Variants in FCMR observed in about 807,000 individuals in gnomAD.
FCMR encodes the protein Fc mu receptor.
In FCMR, 34 loss-of-function variants were observed where a neutral mutation model predicts 41.6. The ratio of observed to expected loss-of-function variants is 0.82; its 90% CI spans 0.62 to 1.09. FCMR has a LOEUF of 1.09. FCMR is among the 50% of genes least tolerant of loss of function. The pLI is 0.00. For synonymous variants in FCMR, 209 were observed against 211.8 expected, an observed-to-expected ratio of 0.99 and a Z score of 0.12; for missense variants, 496 against 512.5, an observed-to-expected ratio of 0.97 and a Z score of 0.31.
At position 206,911,729 on chromosome 1, in the gene FCMR, C is replaced by G; in HGVS notation, c.710+1G>C. The stretch of plus-strand genomic sequence containing the variant: ...CTAGATCCTGGACAGTGGTCTCTTA[C>G]CTCTGCCTGTGCAGCCTGGTGTGGT... On this transcript the variant is annotated splice_donor_variant, in intron 4 of 7. Coordinates refer to ENST00000367091, the MANE Select transcript of FCMR (RefSeq NM_005449.5). LOFTEE classifies it high-confidence loss of function. 6.2e-7 allele frequency: 1 copy of G among 1,611,370 alleles called. No individual in the cohort carries two copies. Among genetic ancestry groups the G allele is most frequent in the Non-Finnish European group, 8.5e-7 (1 of 1,179,306 alleles).
chr1:206,914,789 C>T (rs1267633945), intron 1 of FCMR, among the ~76,000 whole-genome samples: 1 of 152,098 alleles, frequency 6.6e-6, no homozygotes, highest in Non-Finnish European at 1.5e-5. Flanking sequence ...CTATTCACAA[C>T]CTCAGGCCAG....
chr1:206,915,190 G>A (rs1679135250), intron 1 of FCMR, among the ~76,000 whole-genome samples: 1 of 152,210 alleles, frequency 6.6e-6, no homozygotes, highest in South Asian at 2.1e-4. Context: ...ATCATTTAGT[G>A]AGTGATACCA....
rs1679035762 is a variant in FCMR at position 206,913,559 on chromosome 1, T to C, written c.373+200A>G. 8.3e-6 allele frequency: 5 copies of C among 600,898 alleles called. No homozygotes were observed. The Admixed American group carries it at 8.8e-5, about 11-fold the overall frequency. The allele number at this position is 600,898 out of a possible 1,614,324, so 37.2% of individuals were successfully genotyped here. A position where few individuals can be genotyped will look rare whatever the true frequency, so the allele number is the denominator to read the frequency against. ...CAAAGAGAGCACCTATCTTGTTCTT[T>C]TCATACATGTTGGGTAGAAAATTGT... On this transcript the variant is annotated intron_variant, in intron 2 of 7. Transcript: ENST00000367091.
Position 206,914,554 on chromosome 1 carries a change from C to T in FCMR, c.38-460G>A, listed in dbSNP as rs550119596. ...TCAAGCAATCCTCCCAGCTCAGCCT[C>T]CCAAGTACCAGGGACTACAGGTGCA... On this transcript the variant is annotated intron_variant, in intron 1 of 7. Transcript: ENST00000367091. 1.9e-3 allele frequency among the ~76,000 whole-genome samples: 290 copies of T among 151,992 alleles called. 1 individual carries two copies. Among genetic ancestry groups the T allele is most frequent in the Admixed American group, 7.1e-3 (108 of 15,268 alleles).
In FCMR at chr1:206,921,798, T is replaced by C; in HGVS notation, c.37+20A>G. On this transcript the variant is annotated intron_variant, in intron 1 of 7. Transcript: ENST00000367091. ...TCAAGCCTCATTCAGAGGTCTGAAG[T>C]GTTTCCCCACGGTACTTACCTGGCA... 3.7e-6 allele frequency: 6 copies of C among 1,612,370 alleles called. No homozygotes were observed. The highest frequency in any genetic ancestry group is 5.1e-6 in the Non-Finnish European group (6 of 1,178,346).
Position 206,909,600 on chromosome 1 carries a change from C to T in FCMR, c.986-80G>A. ...CATGCTACTACTCCCAGCTCCACCCCCGCCCCACTCCCAGCTCCACCCTGT... is the reference window on the plus strand; with the variant it reads ...CATGCTACTACTCCCAGCTCCACCCTCGCCCCACTCCCAGCTCCACCCTGT... On this transcript the variant is annotated intron_variant, in intron 6 of 7. Transcript: ENST00000367091. This position sits in a 1 kb window ranked among gnomAD's most constrained non-coding sequence, Gnocchi z 5.0. 7.8e-7 allele frequency: 1 copy of T among 1,275,222 alleles called. No homozygotes were observed. 79.0% of individuals were successfully genotyped at this position (1,275,222 alleles called of 1,614,324 possible).
At chr1:206,907,108 G>GA (rs1416918385) in intron 7 of FCMR, among the ~76,000 whole-genome samples, 1 of 124,388 alleles carries the variant, frequency 8.0e-6, no homozygotes. Context: ...GGGGGTGGGG[G>GA]GGGGGTGGGG....
At chr1:206,905,221 G>C (rs1678575448) in intron 7 of FCMR, 74 bp from the exon 8 acceptor site, 1 of 1,544,894 alleles carries the variant, frequency 6.5e-7, no homozygotes. Context: ...GATTTTCATA[G>C]TGGGCAATGG....
intron 7 of FCMR, chr1:206,906,093 T>G (rs540733182): frequency 1.9e-5 from 8 of 411,060 alleles, no homozygotes; most frequent in South Asian, 1.8e-4. Context: ...GAAAGACAGC[T>G]AATAAGCACA....
rs1475724075 is a variant in FCMR at position 206,903,817 on chromosome 1, AT to A, written c.*1201del. The A allele has an allele frequency of 1.3e-5, 2 of 152,114 alleles. No individual in the cohort carries two copies. The highest frequency in any genetic ancestry group is 2.9e-5 in the Non-Finnish European group (2 of 68,028). 9.4% of individuals were successfully genotyped at this position (152,114 alleles called of 1,614,324 possible). On this transcript the variant is annotated 3_prime_UTR_variant, in exon 8 of 8. Coordinates refer to ENST00000367091, the MANE Select transcript of FCMR (RefSeq NM_005449.5). ...TGGTGACATTGCACCTGGATGTACT[AT>A]CCAATCTGTGATGACATTCCCTGCT...
Position 206,903,907 on chromosome 1 carries a change from T to A in FCMR, c.*1112A>T, listed in dbSNP as rs913514955. 1.3e-5 allele frequency: 2 copies of A among 152,378 alleles called. No individual in the cohort carries two copies. Among genetic ancestry groups the A allele is most frequent in the African/African-American group, 4.8e-5 (2 of 41,464 alleles). The allele number at this position is 152,378 out of a possible 1,614,324, so 9.4% of individuals were successfully genotyped here. On this transcript the variant is annotated 3_prime_UTR_variant, in exon 8 of 8. Transcript: ENST00000367091. Reference sequence around the variant, plus strand: ...TCTCTATTTCTGGATGAATGCCCAGTGAGACTGTGTTGTACAGCTAGAAAA... The same window carrying A: ...TCTCTATTTCTGGATGAATGCCCAGAGAGACTGTGTTGTACAGCTAGAAAA...
intron 3 of FCMR, among the ~76,000 whole-genome samples, chr1:206,912,496 T>A (rs1465490338): frequency 6.6e-6 from 1 of 152,232 alleles, no homozygotes; most frequent in Non-Finnish European, 1.5e-5. Flanking sequence ...AGTATGAACA[T>A]CCTTAATCTT....
At chr1:206,913,535 A>T (rs1257639325) in intron 2 of FCMR, 1 of 588,904 alleles carries the variant, frequency 1.7e-6, no homozygotes, top group African/African-American at 1.9e-5. Flanking sequence ...TGAACAATAC[A>T]AAGAGAGCAC....
intron 3 of FCMR, 102 bp downstream of exon 3, chr1:206,912,827 C>T (rs532990780): frequency 8.1e-4 from 664 of 822,044 alleles, no homozygotes; most frequent in Non-Finnish European, 1.3e-3. Context: ...CTCAGCTCAG[C>T]TCTGCCAGCC....
At chr1:206,912,861 C>T in intron 3 of FCMR, 68 bp downstream of exon 3, 1 of 1,070,162 alleles carries the variant, frequency 9.3e-7, no homozygotes, top group Non-Finnish European at 1.5e-6. Flanking sequence ...AACATAGACC[C>T]CCTCCTCCAT....
upstream of FCMR, chr1:206,923,108 G>A (rs1382390188): frequency 1.3e-5 from 2 of 152,376 alleles, no homozygotes; most frequent in Non-Finnish European, 2.9e-5. Context: ...CCAGGTGAAA[G>A]GACCTCTTGT....
At position 206,913,835 on chromosome 1, in the gene FCMR, G is replaced by A. The variant is rs371358524; in HGVS notation, c.297C>T (p.Ser99=). 8 of 1,614,192 alleles carry A rather than the reference G, an allele frequency of 5.0e-6. No homozygotes were observed. Among genetic ancestry groups the A allele is most frequent in the African/African-American group, 1.3e-5 (1 of 75,042 alleles). ...TGCCCGCTCCGCAGGCATAGACTCC[G>A]CTGTCACTTTCTGTCAGCTGTGTTA... The part of the protein sequence containing the change: ...VEVTQLTESD[S]GVYACGAGMN... The change falls in exon 2 of 8, where the codon AGC becomes AGT. Residue 99 remains serine, a synonymous_variant. Coordinates refer to ENST00000367091, the MANE Select transcript of FCMR (RefSeq NM_005449.5).
At chr1:206,914,183 A>G (rs1011736401) in intron 1 of FCMR, 89 bp from the exon 2 acceptor site, 2 of 1,026,366 alleles carry the variant, frequency 1.9e-6, no homozygotes, top group African/African-American at 3.1e-5. Flanking sequence ...CGTCTCTCCA[A>G]CCCTAGCCCA....
At chr1:206,914,940 A>G (rs565443522) in intron 1 of FCMR, among the ~76,000 whole-genome samples, 1 of 152,176 alleles carries the variant, frequency 6.6e-6, no homozygotes, top group African/African-American at 2.4e-5. Flanking sequence ...ACTCACTCCA[A>G]AGAGACATAA....
Sources: allele counts gnomAD v4.1 joint callset (sites outside exome capture counted in the v4.1 genomes callset), GRCh38; gene constraint gnomAD v4.1.1; non-coding constraint Gnocchi (gnomAD v3.1); transcripts MANE v1.5; gene names NCBI Gene and HGNC (gene_info 2026-07-23, HGNC 2026-07-21).